Variants in NCALD observed in about 807,000 individuals in gnomAD.
NCALD encodes neurocalcin delta.
In NCALD, 10 loss-of-function variants were observed where a neutral mutation model predicts 18.6. The ratio of observed to expected loss-of-function variants is 0.54; its 90% CI spans 0.33 to 0.91. The LOEUF is 0.91. Among genes scored for constraint, NCALD ranks in the 40% least tolerant of loss-of-function variants. The pLI is 0.03. For synonymous variants in NCALD, 88 were observed against 87.4 expected, an observed-to-expected ratio of 1.01 and a Z score of -0.04; for missense variants, 184 against 247.6, an observed-to-expected ratio of 0.74 and a Z score of 1.72.
intron 4 of NCALD, among the ~76,000 whole-genome samples, chr8:101,809,475 T>C (rs993540889): frequency 3.9e-5 from 6 of 152,220 alleles, no homozygotes; most frequent in African/African-American, 1.2e-4. Flanking sequence ...CAAAATATTA[T>C]TTTTCCATCA....
intron 1 of NCALD, among the ~76,000 whole-genome samples, chr8:102,036,147 T>TAAATAAATA (rs1264046653): frequency 4.8e-5 from 7 of 145,632 alleles, no homozygotes; most frequent in South Asian, 2.1e-4. Context: ...ATAAATAAAT[T>TAAATAAATA]AATTAATTAA....
chr8:101,765,149 T>C (rs1250309193), intron 1 of NCALD, among the ~76,000 whole-genome samples: 3 of 152,168 alleles, frequency 2.0e-5, no homozygotes, highest in South Asian at 4.1e-4. Context: ...AATATAGACT[T>C]CTATACACGG....
chr8:101,971,381 T>C (rs564980619), intron 2 of NCALD, among the ~76,000 whole-genome samples: 58 of 152,138 alleles, frequency 3.8e-4, no homozygotes, highest in African/African-American at 1.3e-3. Context: ...ATAATCCCCA[T>C]GTGTCAAGGG....
intron 1 of NCALD, among the ~76,000 whole-genome samples, chr8:101,784,429 G>C (rs1452753702): frequency 6.6e-6 from 1 of 152,072 alleles, no homozygotes; most frequent in Non-Finnish European, 1.5e-5. Context: ...CTATCAGTTG[G>C]ACCAATCATA....
intron 3 of NCALD, among the ~76,000 whole-genome samples, chr8:101,909,948 T>TA (rs1208890099): frequency 2.6e-5 from 4 of 152,204 alleles, no homozygotes; most frequent in African/African-American, 9.7e-5. Flanking sequence ...AAGGATGGGT[T>TA]AAAAATGTCT....
intron 1 of NCALD, among the ~76,000 whole-genome samples, chr8:101,780,304 A>G (rs111722233): frequency 0.028 from 4,206 of 152,242 alleles, 96 homozygotes; most frequent in Middle Eastern, 0.051. Context: ...TCAGCCTACC[A>G]TCTCCTTTCC....
rs147362395 is a variant in NCALD, at chr8:101,888,555, C to T, written c.-106-1328G>A. ...GCCTCAGCCTCCAGAACAGCTGGGA[C>T]TGCAGGGATGCCCCAACATGCCTGG... On this transcript the variant is annotated intron_variant, in intron 3 of 6. Transcript: ENST00000311028. Among the ~76,000 whole-genome samples, 394 of 152,004 alleles carry T rather than the reference C, an allele frequency of 2.6e-3. 3 individuals carry two copies. Among genetic ancestry groups the T allele is most frequent in the South Asian group, 0.011 (55 of 4,806 alleles).
intron 4 of NCALD, among the ~76,000 whole-genome samples, chr8:101,854,192 G>A (rs1224969070): frequency 6.6e-6 from 1 of 152,152 alleles, no homozygotes; most frequent in Non-Finnish European, 1.5e-5. Flanking sequence ...TTGCACTATT[G>A]GTAGCAGGTG....
chr8:101,812,283 A>G (rs1003122641), intron 4 of NCALD, among the ~76,000 whole-genome samples: 8 of 152,174 alleles, frequency 5.3e-5, no homozygotes, highest in Admixed American at 5.2e-4. Context: ...TCATCACCAA[A>G]GCAGTCTATG....
At chr8:101,755,372 A>T (rs999474455) in intron 1 of NCALD, among the ~76,000 whole-genome samples, 1 of 152,154 alleles carries the variant, frequency 6.6e-6, no homozygotes, top group Non-Finnish European at 1.5e-5. Flanking sequence ...CATGGTAAAC[A>T]AGAGTTCAAT....
At chr8:102,082,740 A>C (rs1452232758) in intron 1 of NCALD, among the ~76,000 whole-genome samples, 4 of 152,206 alleles carry the variant, frequency 2.6e-5, no homozygotes, top group Non-Finnish European at 5.9e-5. Context: ...TCAAGACCAC[A>C]TGGTGGTTAA....
chr8:102,071,055 G>T, intron 1 of NCALD, among the ~76,000 whole-genome samples: 1 of 152,110 alleles, frequency 6.6e-6, no homozygotes, highest in East Asian at 1.9e-4. Flanking sequence ...AGGCAATGAG[G>T]TTCAGGGATC....
intron 1 of NCALD, among the ~76,000 whole-genome samples, chr8:101,746,184 A>C (rs1409598759): frequency 2.0e-5 from 3 of 152,230 alleles, no homozygotes; most frequent in Non-Finnish European, 2.9e-5. Flanking sequence ...TGAAAAGATG[A>C]AATTCGGAAA....
chr8:101,787,819 T>G (rs1401381485), intron 1 of NCALD, among the ~76,000 whole-genome samples: 3 of 152,210 alleles, frequency 2.0e-5, no homozygotes, highest in Non-Finnish European at 4.4e-5. Context: ...GGAATTAACA[T>G]GACAATTGAT....
intron 1 of NCALD, among the ~76,000 whole-genome samples, chr8:102,106,462 T>TACAC (rs1385143094): frequency 2.1e-5 from 3 of 142,466 alleles, no homozygotes; most frequent in Non-Finnish European, 3.0e-5. Context: ...TATATATATA[T>TACAC]ATATACACAC....
chr8:101,895,509 G>A (rs1008883800), intron 3 of NCALD, among the ~76,000 whole-genome samples: 2 of 151,288 alleles, frequency 1.3e-5, no homozygotes, highest in African/African-American at 4.9e-5. Context: ...GGAAGTTCTG[G>A]CCAGGGCAAT....
intron 1 of NCALD, among the ~76,000 whole-genome samples, chr8:101,758,590 A>C (rs1563738281): frequency 6.6e-6 from 1 of 152,190 alleles, no homozygotes; most frequent in Non-Finnish European, 1.5e-5. Context: ...GTCATCAAAG[A>C]CCAGGTGCTC....
chr8:101,791,597 T>A (rs1222781401), upstream of NCALD, among the ~76,000 whole-genome samples: 5 of 152,202 alleles, frequency 3.3e-5, no homozygotes. Flanking sequence ...GACAGTCTAA[T>A]GATCCTGACA....
At chr8:101,751,694 A>G (rs571404287) in intron 1 of NCALD, among the ~76,000 whole-genome samples, 17 of 152,222 alleles carry the variant, frequency 1.1e-4, no homozygotes, top group African/African-American at 4.1e-4. Flanking sequence ...AGACAAAGGA[A>G]ACAATGATCT....
Sources: gnomAD v4.1 joint callset for allele counts (sites outside exome capture counted in the v4.1 genomes callset) on GRCh38, gnomAD v4.1.1 for gene constraint, MANE v1.5 for transcripts, NCBI Gene and HGNC (gene_info 2026-07-23, HGNC 2026-07-21) for gene names.